Variants in FBN2 observed in about 807,000 individuals in gnomAD.
FBN2 encodes the protein fibrillin-2.
Under a neutral mutation model 355.6 loss-of-function variants are expected in FBN2, and 105 were observed. That is an observed-to-expected ratio of 0.30 (90% CI 0.25 to 0.35). The LOEUF is 0.35. Ranked by LOEUF, FBN2 falls within the 10% of genes least tolerant of loss-of-function variation. The pLI is 1.00. For missense variants in FBN2, 3,280 were observed against 3,758.7 expected (o/e 0.87, Z 3.33); for synonymous variants, 1,350 against 1,301.2 (o/e 1.04, Z -0.81).
intron 6 of FBN2, among the ~76,000 whole-genome samples, chr5:128,448,295 A>T (rs938106912): frequency 6.6e-6 from 1 of 151,596 alleles, no homozygotes; most frequent in Non-Finnish European, 1.5e-5. Context: ...ACTATCCAAT[A>T]TCCTAATTTT....
At chr5:128,412,588 A>G (rs1561444397) in intron 7 of FBN2, among the ~76,000 whole-genome samples, 1 of 152,166 alleles carries the variant, frequency 6.6e-6, no homozygotes, top group Non-Finnish European at 1.5e-5. Flanking sequence ...AACAACAACA[A>G]CAACAAAAAA....
chr5:128,317,379 T>G lies in FBN2; in HGVS notation c.4717+770A>C, dbSNP rs999650919. ...GAATGGAAAACACAGACTTGGAGTT[T>G]GTGTAAATGATAATTAAAAGTATTC... On this transcript the variant is annotated intron_variant, in intron 36 of 64. Coordinates refer to ENST00000262464, the MANE Select transcript of FBN2 (RefSeq NM_001999.4). Among the ~76,000 whole-genome samples, 14 of 152,300 alleles carry G rather than the reference T, an allele frequency of 9.2e-5. 1 individual carries two copies. The highest frequency in any genetic ancestry group is 4.2e-4 in the South Asian group (2 of 4,818).
rs1749220823 is a variant in FBN2, at chr5:128,288,460, T to C, written c.6735A>G (p.Pro2245=). Residue 2245 remains proline, a synonymous_variant, in exon 53 of 65, where the codon CCA becomes CCG. Transcript: ENST00000262464. ...TGCCTTCACAATTCATCATGGGCCC[T>C]GGCTCAAAGCCTTCATTGCAATTGC... ...FECNCNEGFE[P]GPMMNCEDIN... 3.2e-6 allele frequency: 5 copies of C among 1,581,312 alleles called. No homozygotes were observed. The highest frequency in any genetic ancestry group is 4.3e-6 in the Non-Finnish European group (5 of 1,150,330).
rs925506721 is a variant in FBN2 at position 128,391,410 on chromosome 5, T to C, written c.1603+608A>G. On this transcript the variant is annotated intron_variant, in intron 11 of 64. Coordinates refer to ENST00000262464, the MANE Select transcript of FBN2 (RefSeq NM_001999.4). ...TGCAAAAATGTAAAACAACGACACT[T>C]GTTTCCACACATTGTTTTCAAAAAT... 1.3e-4 allele frequency among the ~76,000 whole-genome samples: 20 copies of C among 152,146 alleles called. 1 individual carries two copies. The highest frequency in any genetic ancestry group is 4.8e-4 in the African/African-American group (20 of 41,456).
rs1749324661 is a variant in FBN2 at position 128,291,611 on chromosome 5, A to T, written c.6210T>A (p.Gly2070=). 6.2e-7 allele frequency: 1 copy of T among 1,613,318 alleles called. No homozygotes were observed. The highest frequency in any genetic ancestry group is 2.2e-5 in the East Asian group (1 of 44,866). Residue 2070 remains glycine, a synonymous_variant, in exon 49 of 65, where the codon GGT becomes GGA. Transcript: ENST00000262464. ...AGCCCCCTGGAGTATTAGTACAGGA[A>T]CCAAAAAGACAAATGTTGGGATCTT... is the stretch of plus-strand genomic sequence containing the variant. ...CDEDPNICLF[G]SCTNTPGGFQ...
chr5:128,311,746 C>T (rs2126846615), intron 38 of FBN2, 139 bp downstream of exon 38: 5 of 722,852 alleles, frequency 6.9e-6, no homozygotes, highest in Middle Eastern at 2.3e-4. Context: ...AGTAGTTTAA[C>T]ATTTTAGTAA....
intron 11 of FBN2, among the ~76,000 whole-genome samples, chr5:128,382,884 C>G (rs1218511896): frequency 6.6e-6 from 1 of 151,834 alleles, no homozygotes; most frequent in East Asian, 1.9e-4. Flanking sequence ...CCATTTTTTT[C>G]ATTCCACAAT....
At chr5:128,372,873 C>A (rs1223214508) in intron 15 of FBN2, among the ~76,000 whole-genome samples, 1 of 152,090 alleles carries the variant, frequency 6.6e-6, no homozygotes, top group East Asian at 1.9e-4. Context: ...GTGATCCGCC[C>A]AACATGGAAT....
At chr5:128,395,324 C>T (rs968861777) in intron 8 of FBN2, 50 bp from the exon 9 acceptor site, 8 of 1,599,784 alleles carry the variant, frequency 5.0e-6, no homozygotes, top group Admixed American at 1.7e-5. Context: ...ACCTCAGGTT[C>T]TTACAACAAT....
At position 128,537,378 on chromosome 5, in the gene FBN2, G is replaced by C. The variant is rs1281702361; in HGVS notation, c.226C>G (p.Arg76Gly). ...EGAAVASRVR[R>G]RGQQDVLRGP... is the part of the protein sequence containing the mutation. Reference sequence around the variant, plus strand: ...CGGAGCACGTCCTGCTGTCCTCGCCGGCGGACGCGGCTGGCCACTGCGGCA... The same window carrying C: ...CGGAGCACGTCCTGCTGTCCTCGCCCGCGGACGCGGCTGGCCACTGCGGCA... Residue 76 changes from arginine to glycine, a missense_variant, in exon 1 of 65, where the codon CGG (arginine) becomes GGG (glycine). This residue lies in a region of FBN2 where 203 missense variants were observed against 142.2 expected (regional missense o/e 1.43). Transcript: ENST00000262464. 1.9e-6 allele frequency: 3 copies of C among 1,610,584 alleles called. No individual in the cohort carries two copies. Among genetic ancestry groups the C allele is most frequent in the South Asian group, 1.1e-5 (1 of 90,826 alleles).
chr5:128,323,240 AC>A (rs1244479074), intron 34 of FBN2, among the ~76,000 whole-genome samples: 3 of 152,038 alleles, frequency 2.0e-5, no homozygotes, highest in African/African-American at 7.2e-5. Flanking sequence ...CTATTTGAAT[AC>A]CCTTTATTTC....
In FBN2 at chr5:128,527,984, C is replaced by G. The variant is rs1426638400; in HGVS notation, c.437-17G>C. The G allele has an allele frequency of 1.3e-6, 2 of 1,570,046 alleles. No individual in the cohort carries two copies. The highest frequency in any genetic ancestry group is 1.8e-6 in the Non-Finnish European group (2 of 1,140,832). ...ACTGCTGAACTGCAAAGAGCAATAA[C>G]AAAAAGTATAAAAACATCAGTCATC... On this transcript the variant is annotated splice_polypyrimidine_tract_variant and intron_variant, in intron 3 of 64. Coordinates refer to ENST00000262464, the MANE Select transcript of FBN2 (RefSeq NM_001999.4).
intron 2 of FBN2, among the ~76,000 whole-genome samples, chr5:128,533,169 A>ACCAGTAAC (rs1484339880): frequency 1.3e-5 from 2 of 152,336 alleles, no homozygotes; most frequent in South Asian, 4.1e-4. Flanking sequence ...GTTTCTGATC[A>ACCAGTAAC]CCAGTAACTC....
At chr5:128,489,507 T>C (rs552203239) in intron 5 of FBN2, among the ~76,000 whole-genome samples, 1 of 152,350 alleles carries the variant, frequency 6.6e-6, no homozygotes, top group Non-Finnish European at 1.5e-5. Flanking sequence ...TTAAGAATTT[T>C]TAATGTATTC....
intron 24 of FBN2, among the ~76,000 whole-genome samples, chr5:128,344,961 A>T (rs1019132329): frequency 2.6e-5 from 4 of 151,810 alleles, no homozygotes; most frequent in African/African-American, 9.7e-5. Flanking sequence ...TCAGCCTCCC[A>T]AAGTGCTAGG....
chr5:128,317,214 A>G (rs1479884047), intron 36 of FBN2, among the ~76,000 whole-genome samples: 1 of 152,024 alleles, frequency 6.6e-6, no homozygotes, highest in Non-Finnish European at 1.5e-5. Context: ...TCCAGTGCCA[A>G]TTCTGTTTGT....
chr5:128,285,948 T>C (rs1289198803), intron 55 of FBN2, among the ~76,000 whole-genome samples: 1 of 152,182 alleles, frequency 6.6e-6, no homozygotes, highest in Non-Finnish European at 1.5e-5. Context: ...GAGAAATGAA[T>C]GAAAAGAAAT....
At chr5:128,366,750 C>G (rs976102377) in intron 16 of FBN2, among the ~76,000 whole-genome samples, 7 of 152,012 alleles carry the variant, frequency 4.6e-5, no homozygotes, top group African/African-American at 1.7e-4. Flanking sequence ...TTTTTTTCCT[C>G]ACTAATAAAA....
At chr5:128,380,105 T>C (rs920771106) in intron 11 of FBN2, among the ~76,000 whole-genome samples, 4 of 152,044 alleles carry the variant, frequency 2.6e-5, no homozygotes, top group Non-Finnish European at 5.9e-5. Flanking sequence ...TCCTTTTCCA[T>C]CCATCCAAGG....
Sources: gnomAD v4.1 joint callset for allele counts (sites outside exome capture counted in the v4.1 genomes callset) on GRCh38, gnomAD v4.1.1 for gene constraint, gnomAD v4.1.1 regional missense constraint, MANE v1.5 for transcripts, NCBI Gene and HGNC (gene_info 2026-07-23, HGNC 2026-07-21) for gene names.